Variants in ERO1B observed in about 807,000 individuals in gnomAD.
ERO1B encodes the protein endoplasmic reticulum oxidoreductase 1 beta.
In ERO1B, 49 loss-of-function variants were observed where a neutral mutation model predicts 75.3. That is an observed-to-expected ratio of 0.65 (90% CI 0.52 to 0.83). The LOEUF is 0.83. ERO1B is among the 40% of genes least tolerant of loss of function. The probability of loss-of-function intolerance (pLI) is 0.00; values close to 1 mark genes in which losing one functional copy is unlikely to be tolerated. For synonymous variants in ERO1B, 191 were observed against 192.9 expected (o/e 0.99, Z 0.08); for missense variants, 512 against 560.1 (o/e 0.91, Z 0.87).
intron 5 of ERO1B, among the ~76,000 whole-genome samples, chr1:236,245,314 A>ATATACACGTATATATATACG (rs1558513064): frequency 5.3e-5 from 1 of 18,812 alleles, no homozygotes; most frequent in African/African-American, 9.9e-5. Flanking sequence ...ATATATATAT[A>ATATACACGTATATATATACG]TATATATACA....
At chr1:236,234,512 C>A (rs1451983749) in intron 8 of ERO1B, among the ~76,000 whole-genome samples, 1 of 152,064 alleles carries the variant, frequency 6.6e-6, no homozygotes, top group Non-Finnish European at 1.5e-5. Context: ...TTAATTAAAA[C>A]CTTTAAGTTG....
In ERO1B at chr1:236,220,027, T is replaced by TAAAA. The variant is rs1558503946; in HGVS notation, c.1343+804_1343+805insTTTT. ...TGACAGAGCGAGACCCTCATCTCTT[T>TAAAA]TAAAAAAAAAAAAAAAAAAAAAAAA... On this transcript the variant is annotated intron_variant, in intron 15 of 15. Transcript: ENST00000354619. The TAAAA allele has an allele frequency of 4.7e-3, 617 of 132,672 alleles. 4 individuals are homozygous for TAAAA. The highest frequency in any genetic ancestry group is 0.018 in the African/African-American group (577 of 31,592). The allele number at this position is 132,672 out of a possible 1,614,324, so 8.2% of individuals were successfully genotyped here.
intron 1 of ERO1B, among the ~76,000 whole-genome samples, chr1:236,277,154 AG>A (rs759755736): frequency 6.6e-6 from 1 of 152,232 alleles, no homozygotes; most frequent in Non-Finnish European, 1.5e-5. Context: ...CTGTAATCCC[AG>A]CACTTTGGGA....
chr1:236,262,280 T>C (rs1014081621), intron 2 of ERO1B, among the ~76,000 whole-genome samples: 1 of 152,214 alleles, frequency 6.6e-6, no homozygotes, highest in Non-Finnish European at 1.5e-5. Context: ...GAAAACTGGA[T>C]ATTCACATTC....
At chr1:236,236,817 C>T (rs1305162876) in intron 6 of ERO1B, among the ~76,000 whole-genome samples, 2 of 152,108 alleles carry the variant, frequency 1.3e-5, no homozygotes, top group Admixed American at 6.6e-5. Flanking sequence ...CATTTTGTAA[C>T]ATATATTGTA....
At chr1:236,224,695 A>G (rs1329914313) in intron 13 of ERO1B, among the ~76,000 whole-genome samples, 1 of 152,182 alleles carries the variant, frequency 6.6e-6, no homozygotes, top group African/African-American at 2.4e-5. Context: ...AAACCGTAAC[A>G]TTCCATAAAA....
chr1:236,271,209 CA>C (rs559807171), intron 1 of ERO1B, among the ~76,000 whole-genome samples: 136 of 151,100 alleles, frequency 9.0e-4, no homozygotes, highest in African/African-American at 3.1e-3. Flanking sequence ...CCAAAATTTT[CA>C]AAAAAACAAA....
chr1:236,263,686 C>T (rs1272707178), intron 2 of ERO1B, among the ~76,000 whole-genome samples: 1 of 151,750 alleles, frequency 6.6e-6, no homozygotes, highest in Non-Finnish European at 1.5e-5. Flanking sequence ...TTAAAGCTTT[C>T]CTCCTTTAGG....
rs755925193 is a variant in ERO1B, at chr1:236,226,342, C to G, written c.979G>C (p.Asp327His). 1 of 1,614,014 alleles carries G rather than the reference C, an allele frequency of 6.2e-7. No homozygotes were observed. The highest frequency in any genetic ancestry group is 8.5e-7 in the Non-Finnish European group (1 of 1,179,958). ...TCTTCTGCATTTCCAGTGTAAAGATCGACAATTGAGCGCTCAAAATATGGA... is the reference window on the plus strand; with the variant it reads ...TCTTCTGCATTTCCAGTGTAAAGATGGACAATTGAGCGCTCAAAATATGGA... Reference protein sequence around the residue: ...VAPYFERSIVDLYTGNAEEDA... With the variant: ...VAPYFERSIVHLYTGNAEEDA... The change falls in exon 12 of 16, where the codon GAT becomes CAT. Residue 327 changes from aspartate to histidine, a missense_variant. By Grantham distance (81) the Asp-to-His change is moderately conservative. Transcript: ENST00000354619.
At chr1:236,272,632 A>T (rs2812474) in intron 1 of ERO1B, among the ~76,000 whole-genome samples, 139,149 of 152,120 alleles carry the variant, frequency 0.91, 64,888 homozygotes, top group East Asian at 1. Context: ...ACCCCCTGAA[A>T]CTTAGGAAAA....
intron 3 of ERO1B, among the ~76,000 whole-genome samples, 180 bp from the exon 4 acceptor site, chr1:236,252,271 T>A (rs1367536570): frequency 1.3e-5 from 2 of 152,162 alleles, no homozygotes; most frequent in Non-Finnish European, 2.9e-5. Context: ...GTTATCCCAA[T>A]ATACAGACTT....
intron 2 of ERO1B, among the ~76,000 whole-genome samples, chr1:236,261,766 T>C (rs1265360049): frequency 6.6e-6 from 1 of 152,112 alleles, no homozygotes; most frequent in Non-Finnish European, 1.5e-5. Context: ...TATCATTTCT[T>C]TACAGATACA....
Position 236,252,040 on chromosome 1 carries a change from A to C in ERO1B, c.348+10T>G, listed in dbSNP as rs987800663. The C allele has an allele frequency of 6.3e-7, 1 of 1,581,892 alleles. No homozygotes were observed. The highest frequency in any genetic ancestry group is 8.6e-7 in the Non-Finnish European group (1 of 1,156,878). On this transcript the variant is annotated intron_variant, in intron 4 of 15. Coordinates refer to ENST00000354619, the MANE Select transcript of ERO1B (RefSeq NM_019891.4). Reference sequence around the variant, plus strand: ...AAAGCAGAAACACTCAAGGAAGAGGAGGGACTTACCTTATTAGAATGCCCA... The same window carrying C: ...AAAGCAGAAACACTCAAGGAAGAGGCGGGACTTACCTTATTAGAATGCCCA...
chr1:236,274,729 G>A (rs1467546657), intron 1 of ERO1B, among the ~76,000 whole-genome samples: 2 of 140,062 alleles, frequency 1.4e-5, no homozygotes, highest in Non-Finnish European at 3.2e-5. Flanking sequence ...AAGTGCTGGG[G>A]ATATAAAATT....
chr1:236,221,700 G>A (rs1244838440), intron 14 of ERO1B: 5 of 458,368 alleles, frequency 1.1e-5, no homozygotes, highest in Non-Finnish European at 1.9e-5. Context: ...TAGAAACATA[G>A]ACACAATAAA....
chr1:236,246,160 C>A (rs1341466265), intron 5 of ERO1B, among the ~76,000 whole-genome samples: 1 of 151,882 alleles, frequency 6.6e-6, no homozygotes, highest in Admixed American at 6.6e-5. Context: ...TATGTATGTA[C>A]CAAATTTTTT....
chr1:236,238,003 T>C (rs953203559), intron 6 of ERO1B, among the ~76,000 whole-genome samples: 3 of 151,994 alleles, frequency 2.0e-5, no homozygotes, highest in Non-Finnish European at 1.5e-5. Context: ...CCATGCCTGG[T>C]TGGTTTTTTG....
In ERO1B at chr1:236,215,903, G is replaced by C. The variant is rs1663959782; in HGVS notation, c.*2613C>G. The stretch of plus-strand genomic sequence containing the variant: ...GCACATAGGCAAAGTTGAAAAACAT[G>C]GCAGAGTTTCATATACATACAGAGA... On this transcript the variant is annotated 3_prime_UTR_variant, in exon 16 of 16. Transcript: ENST00000354619. The C allele has an allele frequency of 6.9e-6, 1 of 145,176 alleles. No individual in the cohort carries two copies. Among genetic ancestry groups the C allele is most frequent in the East Asian group, 2.5e-4 (1 of 4,030 alleles). 9.0% of individuals were successfully genotyped at this position (145,176 alleles called of 1,614,324 possible).
intron 2 of ERO1B, among the ~76,000 whole-genome samples, chr1:236,258,910 T>G (rs1665229170): frequency 6.6e-6 from 1 of 151,662 alleles, no homozygotes; most frequent in African/African-American, 2.4e-5. Context: ...AATAAATAAA[T>G]TAGAAAACAT....
Sources: allele counts gnomAD v4.1 joint callset (sites outside exome capture counted in the v4.1 genomes callset), GRCh38; gene constraint gnomAD v4.1.1; transcripts MANE v1.5; gene names NCBI Gene and HGNC (gene_info 2026-07-23, HGNC 2026-07-21).